Variants in FGD1 observed in about 807,000 individuals in gnomAD.
FGD1 encodes FYVE, RhoGEF and PH domain-containing protein 1.
A neutral mutation model predicts 65.0 loss-of-function variants in FGD1; 12 were observed. That is an observed-to-expected ratio of 0.18 (90% CI 0.12 to 0.30). The LOEUF (loss-of-function observed/expected upper bound fraction) is 0.30, where lower values mean the gene tolerates loss of function less well. FGD1 is among the 10% of genes least tolerant of loss of function. FGD1 has a pLI of 1.00. For missense variants in FGD1, 542 were observed against 837.6 expected, an observed-to-expected ratio of 0.65 and a Z score of 4.36; for synonymous variants, 333 against 343.9, an observed-to-expected ratio of 0.97 and a Z score of 0.35.
At chrX:54,483,096 G>A (rs1569541424) in intron 1 of FGD1, among the ~76,000 whole-genome samples, 1 of 111,964 alleles carries the variant, frequency 8.9e-6, no homozygotes, top group Non-Finnish European at 1.9e-5. Context: ...CTGGGTCTGG[G>A]GGGCTCTCTC....
intron 1 of FGD1, among the ~76,000 whole-genome samples, chrX:54,482,195 C>T (rs1259392870): frequency 3.6e-5 from 4 of 110,826 alleles, no homozygotes; most frequent in Non-Finnish European, 5.7e-5. Context: ...AATAGATCCA[C>T]GGGGACAAAG....
intron 12 of FGD1, among the ~76,000 whole-genome samples, chrX:54,455,242 C>G (rs1451040051): frequency 1.8e-5 from 2 of 112,334 alleles, no homozygotes; most frequent in African/African-American, 6.5e-5. Context: ...GGAGTGCCAC[C>G]TTTCCCCATA....
At position 54,495,333 on chromosome X, in the gene FGD1, C is replaced by G. The variant is rs751292327; in HGVS notation, c.100G>C (p.Asp34His). 1.5e-5 allele frequency: 17 copies of G among 1,163,622 alleles called. No homozygotes were observed. The Admixed American group carries it at 4.3e-4, about 30-fold the overall frequency. Residue 34 changes from aspartate (D) to histidine (H), a missense_variant, in exon 1 of 18, where the codon GAC (aspartate) becomes CAC (histidine). This residue lies in a region of FGD1 where 297 missense variants were observed against 326.8 expected (regional missense o/e 0.91). Coordinates refer to ENST00000375135, the MANE Select transcript of FGD1 (RefSeq NM_004463.3). ...AGTCCGGGTTCCGAGGCTCCAGGGTCCGAGTCGGCACAGGCCGGCGGAGCG... is the reference window on the plus strand; with the variant it reads ...AGTCCGGGTTCCGAGGCTCCAGGGTGCGAGTCGGCACAGGCCGGCGGAGCG... ...GAAPPACADS[D>H]PGASEPGLLA...
At chrX:54,481,480 T>C (rs748177784) in intron 1 of FGD1, among the ~76,000 whole-genome samples, 91 of 97,735 alleles carry the variant, frequency 9.3e-4, no homozygotes, top group African/African-American at 3.3e-3. Context: ...TCCGGTGAGC[T>C]ATTACCCATT....
chrX:54,494,244 T>C, intron 1 of FGD1, among the ~76,000 whole-genome samples: 2 of 110,777 alleles, frequency 1.8e-5, no homozygotes, highest in East Asian at 5.7e-4. Flanking sequence ...TTCTGCTGTC[T>C]CCCTACCTAT....
intron 1 of FGD1, among the ~76,000 whole-genome samples, chrX:54,481,963 A>G (rs1923150927): frequency 9.1e-6 from 1 of 110,246 alleles, no homozygotes; most frequent in Non-Finnish European, 1.9e-5. Flanking sequence ...AGACGCAGGC[A>G]CGGGAACAGA....
At chrX:54,474,589 T>G (rs1339405425) in intron 1 of FGD1, among the ~76,000 whole-genome samples, 2 of 112,749 alleles carry the variant, frequency 1.8e-5, no homozygotes, top group Non-Finnish European at 3.8e-5. Flanking sequence ...CTGGCCAGGA[T>G]GGAGGAGGCG....
chrX:54,456,349 C>T lies in FGD1; in HGVS notation c.1713G>A (p.Leu571=). The change falls in exon 10 of 18, where the codon CTG becomes CTA. Residue 571 remains leucine (L), a synonymous_variant. Transcript: ENST00000375135. ...CCCCTAACAGCTCATATACCTTCAG[C>T]AGCTTATGCATTCGCTCCTGGCAAA... is the stretch of plus-strand genomic sequence containing the variant. ...AIRKMERMHK[L]LKVYELLGGE... is the part of the protein sequence containing the mutation. 8.3e-7 allele frequency: 1 copy of T among 1,211,845 alleles called. No individual in the cohort carries two copies.
intron 8 of FGD1, among the ~76,000 whole-genome samples, chrX:54,463,165 G>A (rs2147431434): frequency 9.0e-6 from 1 of 111,088 alleles, no homozygotes; most frequent in South Asian, 3.8e-4. Flanking sequence ...TGGTGATCTT[G>A]GCCAGCCTTA....
intron 1 of FGD1, among the ~76,000 whole-genome samples, chrX:54,490,677 C>G (rs1923395386): frequency 9.0e-6 from 1 of 111,160 alleles, no homozygotes; most frequent in African/African-American, 3.3e-5. Context: ...TTCAACTTGT[C>G]TCAAACATAA....
intron 10 of FGD1, 150 bp from the exon 11 acceptor site, chrX:54,455,934 C>A (rs2147427182): frequency 1.8e-6 from 1 of 544,981 alleles, no homozygotes; most frequent in Non-Finnish European, 3.0e-6. Flanking sequence ...AAGGAAAGAG[C>A]CTAGGCATGG....
rs931905564 is a variant in FGD1, at chrX:54,447,525, C to T, written c.2437-71G>A. 17 of 1,072,153 alleles carry T rather than the reference C, an allele frequency of 1.6e-5. No homozygotes were observed. The African/African-American group carries it at 2.8e-4, about 17-fold the overall frequency. 88.4% of individuals were successfully genotyped at this position (1,072,153 alleles called of 1,213,427 possible). On this transcript the variant is annotated intron_variant, in intron 16 of 17. Transcript: ENST00000375135. ...CTGGCTCCTCCTAGCTTTAATACCT[C>T]CTCAGTGTAGGGACTGCTATTCCTA...
rs371368818 is a variant in FGD1, at chrX:54,475,580, C to T, written c.308-4093G>A. Among the ~76,000 whole-genome samples, 17 of 108,807 alleles carry T rather than the reference C, an allele frequency of 1.6e-4. No individual in the cohort carries two copies. In the South Asian group the frequency reaches 5.0e-3, roughly 32 times the overall value. The allele number at this position is 108,807 out of a possible 115,157, so 94.5% of individuals were successfully genotyped here. A position where few individuals can be genotyped will look rare whatever the true frequency, so the allele number is the denominator to read the frequency against. On this transcript the variant is annotated intron_variant, in intron 1 of 17. Coordinates refer to ENST00000375135, the MANE Select transcript of FGD1 (RefSeq NM_004463.3). Reference sequence around the variant, plus strand: ...GAGAAGGTTCAAGATCCCTCCCTCTCGTTTCAGAACTCCCTCTCCCTTGTC... The same window carrying T: ...GAGAAGGTTCAAGATCCCTCCCTCTTGTTTCAGAACTCCCTCTCCCTTGTC...
chrX:54,462,389 C>CTTTT (rs1158349272), intron 8 of FGD1, among the ~76,000 whole-genome samples: 5 of 79,549 alleles, frequency 6.3e-5, no homozygotes, highest in Non-Finnish European at 7.3e-5. Context: ...ACTTCCCATT[C>CTTTT]TTTTTTTTTT....
intron 1 of FGD1, among the ~76,000 whole-genome samples, chrX:54,488,542 G>A (rs1404593261): frequency 9.0e-6 from 1 of 110,999 alleles, no homozygotes; most frequent in African/African-American, 3.3e-5. Flanking sequence ...CCAAGATCAC[G>A]CCACTGCACT....
At chrX:54,462,410 T>A (rs1255390711) in intron 8 of FGD1, among the ~76,000 whole-genome samples, 1 of 102,038 alleles carries the variant, frequency 9.8e-6, no homozygotes, top group African/African-American at 3.6e-5. Context: ...TTTTTTTTTT[T>A]GAGATGGAGT....
At position 54,445,590 on chromosome X, in the gene FGD1, T is replaced by C. The variant is rs1346450183; in HGVS notation, c.*519A>G. 1 of 116,198 alleles carries C rather than the reference T, an allele frequency of 8.6e-6. No individual in the cohort carries two copies. The highest frequency in any genetic ancestry group is 1.8e-5 in the Non-Finnish European group (1 of 55,402). 9.6% of individuals were successfully genotyped at this position (116,198 alleles called of 1,213,427 possible). On this transcript the variant is annotated 3_prime_UTR_variant, in exon 18 of 18. Coordinates refer to ENST00000375135, the MANE Select transcript of FGD1 (RefSeq NM_004463.3). ...CTGGCCCTGCCATGGGTCTGGACGA[T>C]AAAATACTGGGTAGCCTTGGGGCCG...
At chrX:54,449,080 A>T in intron 15 of FGD1, 63 bp downstream of exon 15, 1 of 1,207,743 alleles carries the variant, frequency 8.3e-7, no homozygotes, top group South Asian at 1.8e-5. Flanking sequence ...CCCACTCTGC[A>T]GTGGGCCTTT....
chrX:54,475,392 G>A (rs1922994364), intron 1 of FGD1, among the ~76,000 whole-genome samples: 1 of 111,859 alleles, frequency 8.9e-6, no homozygotes, highest in Admixed American at 9.5e-5. Context: ...TGGAAAAGAG[G>A]GGAACCAGGA....
Sources: gnomAD v4.1 joint callset for allele counts (sites outside exome capture counted in the v4.1 genomes callset) on GRCh38, gnomAD v4.1.1 for gene constraint, gnomAD v4.1.1 regional missense constraint, MANE v1.5 for transcripts, NCBI Gene and HGNC (gene_info 2026-07-23, HGNC 2026-07-21) for gene names.